SLC12A7: variants seen among roughly 807,000 people sequenced by gnomAD.
The protein encoded by SLC12A7 is K-Cl cotransporter 4.
Under a neutral mutation model 120.6 loss-of-function variants are expected in SLC12A7, and 100 were observed. The ratio of observed to expected loss-of-function variants is 0.83; its 90% confidence interval spans 0.71 to 0.98. SLC12A7 has a LOEUF of 0.98. Ranked by LOEUF, SLC12A7 falls within the 50% of genes least tolerant of loss-of-function variation. The probability of loss-of-function intolerance (pLI) is 0.00; values close to 1 mark genes in which losing one functional copy is unlikely to be tolerated. For synonymous variants in SLC12A7, 760 were observed against 678.0 expected (o/e 1.12, Z -1.88); for missense variants, 1,373 against 1,548.1 (o/e 0.89, Z 1.90).
At chr5:1,135,135 G>A in the SLC12A7 span, among the ~76,000 whole-genome samples, 3 of 152,104 alleles carry the variant, frequency 2.0e-5, no homozygotes, top group Admixed American at 6.6e-5. Context: ...TCAAACAAAA[G>A]ACATTCACCT....
rs148006130 is a variant in SLC12A7, at chr5:1,052,118, G to A, written c.*242C>T. On this transcript the variant is annotated 3_prime_UTR_variant, in exon 24 of 24. Coordinates refer to ENST00000264930, the MANE Select transcript of SLC12A7 (RefSeq NM_006598.3). The stretch of plus-strand genomic sequence containing the variant: ...ACGTCCAGGTCACTCCGGTAGCAGC[G>A]TCTGCCCTCAGATGCAAGGAAATCG... 12 of 569,028 alleles carry A rather than the reference G, an allele frequency of 2.1e-5. No homozygotes were observed. Among genetic ancestry groups the A allele is most frequent in the African/African-American group, 3.8e-5 (2 of 53,254 alleles). 35.2% of individuals were successfully genotyped at this position (569,028 alleles called of 1,614,324 possible).
the SLC12A7 span, among the ~76,000 whole-genome samples, chr5:1,118,053 G>A: frequency 2.0e-5 from 3 of 152,150 alleles, no homozygotes; most frequent in African/African-American, 7.2e-5. Context: ...TCCAGCCTGG[G>A]GGATAGAGTG....
chr5:1,146,468 C>G, the SLC12A7 span, among the ~76,000 whole-genome samples: 2 of 152,240 alleles, frequency 1.3e-5, no homozygotes, highest in Non-Finnish European at 1.5e-5. The surrounding 1 kb of genome is among the most constrained non-coding windows in gnomAD (Gnocchi z 6.5). Context: ...GCAGTGTAAA[C>G]AAAAAATAAA....
rs1736919582 is a variant in SLC12A7, at chr5:1,065,297, CAGG to C, written c.2420_2422del (p.Ser807del). 2 of 1,566,714 alleles carry C rather than the reference CAGG, an allele frequency of 1.3e-6. No homozygotes were observed. The highest frequency in any genetic ancestry group is 2.3e-5 in the South Asian group (2 of 85,568). ...GCCATGCCTACCCACAAAGTTCTTC[CAGG>C]AGAAGGGGTTGTCCTCCTGCTTCCA... On this transcript the variant is annotated inframe_deletion, in exon 18 of 24. Coordinates refer to ENST00000264930, the MANE Select transcript of SLC12A7 (RefSeq NM_006598.3).
chr5:1,081,700 T>C lies in SLC12A7; in HGVS notation c.1174A>G (p.Lys392Glu), dbSNP rs962223099. Residue 392 changes from lysine to glutamate, a missense_variant, in exon 9 of 24, where the codon AAG (lysine) becomes GAG (glutamate). Coordinates refer to ENST00000264930, the MANE Select transcript of SLC12A7 (RefSeq NM_006598.3). ...TYAHAGAFVE[K>E]KGVPSVPVAE... ...ACGGGCACCGAGGGCACACCTTTCT[T>C]CTCCACAAACGCCCCCGCGTGCGCG... is the stretch of plus-strand genomic sequence containing the variant. 3 of 1,612,974 alleles carry C rather than the reference T, an allele frequency of 1.9e-6. No individual in the cohort carries two copies. Among genetic ancestry groups the C allele is most frequent in the Admixed American group, 3.3e-5 (2 of 60,020 alleles).
At chr5:1,120,245 C>G in the SLC12A7 span, among the ~76,000 whole-genome samples, 1 of 152,264 alleles carries the variant, frequency 6.6e-6, no homozygotes, top group Non-Finnish European at 1.5e-5. Flanking sequence ...TCTCAGAAGA[C>G]GCTCTCAAGG....
chr5:1,066,681 C>T (rs2150808235), intron 17 of SLC12A7, among the ~76,000 whole-genome samples: 1 of 152,318 alleles, frequency 6.6e-6, no homozygotes, highest in East Asian at 1.9e-4. Context: ...CCTGAAGCCA[C>T]TGACAAGTGA....
rs566746936 is a variant in SLC12A7, at chr5:1,052,604, A to AC, written c.3161-154dup. Among the ~76,000 whole-genome samples, 344 of 142,608 alleles carry AC rather than the reference A, an allele frequency of 2.4e-3. 3 individuals carry two copies. Among genetic ancestry groups the AC allele is most frequent in the Admixed American group, 9.4e-3 (129 of 13,724 alleles). 93.6% of individuals were successfully genotyped at this position (142,608 alleles called of 152,430 possible). A position where few individuals can be genotyped will look rare whatever the true frequency, so the allele number is the denominator to read the frequency against. ...GAAAAGAGAGGTGGGGATTAGAGAG[A>AC]CCCCCCAGGCGGGGAGGAGCAGGGC... is the stretch of plus-strand genomic sequence containing the variant. On this transcript the variant is annotated intron_variant, in intron 23 of 23. Coordinates refer to ENST00000264930, the MANE Select transcript of SLC12A7 (RefSeq NM_006598.3).
chr5:1,091,325 C>T (rs1406919436), intron 3 of SLC12A7, among the ~76,000 whole-genome samples: 1 of 152,182 alleles, frequency 6.6e-6, no homozygotes, highest in Non-Finnish European at 1.5e-5. Context: ...GGTGTGCTCT[C>T]TATGGGCACC....
the SLC12A7 span, among the ~76,000 whole-genome samples, chr5:1,140,638 C>T: frequency 0.012 from 1,889 of 152,370 alleles, 15 homozygotes; most frequent in Non-Finnish European, 0.02. Context: ...GAACTCGCAC[C>T]GCTGGCTCCA....
chr5:1,145,591 G>C, the SLC12A7 span, among the ~76,000 whole-genome samples: 3 of 152,308 alleles, frequency 2.0e-5, no homozygotes. The surrounding 1 kb of genome is among the most constrained non-coding windows in gnomAD (Gnocchi z 4.4). Context: ...TTTGAAACAG[G>C]AAGGTCCCTG....
chr5:1,077,935 G>A lies in SLC12A7; in HGVS notation c.1527C>T (p.Ile509=), dbSNP rs767978276. The stretch of plus-strand genomic sequence containing the variant: ...CACCGCAGGTGGAGAAGAAGGAGCC[G>A]ATGACGATGACCCAGGGGGAGGGCC... ...LAWPSPWVIV[I]GSFFSTCGAG... The change falls in exon 12 of 24, where the codon ATC becomes ATT. Residue 509 remains isoleucine, a synonymous_variant. Transcript: ENST00000264930. 57 of 1,601,544 alleles carry A rather than the reference G, an allele frequency of 3.6e-5. No homozygotes were observed. The highest frequency in any genetic ancestry group is 1.2e-4 in the South Asian group (11 of 89,178).
chr5:1,137,071 G>A, the SLC12A7 span, among the ~76,000 whole-genome samples: 1 of 145,310 alleles, frequency 6.9e-6, no homozygotes, highest in Non-Finnish European at 1.5e-5. Context: ...GCAGACACAC[G>A]TGTGTCTACA....
chr5:1,119,760 C>T, the SLC12A7 span, among the ~76,000 whole-genome samples: 40 of 152,382 alleles, frequency 2.6e-4, 1 homozygote, highest in African/African-American at 8.4e-4. Flanking sequence ...GACCAGAACA[C>T]GCCCGATTCC....
chr5:1,085,987 G>A (rs1225630794), intron 6 of SLC12A7, among the ~76,000 whole-genome samples: 2 of 152,198 alleles, frequency 1.3e-5, no homozygotes, highest in African/African-American at 4.8e-5. Context: ...ACGGAGACGT[G>A]AGACAGTGCT....
At chr5:1,113,915 C>T (rs555951981), upstream of SLC12A7, among the ~76,000 whole-genome samples, 156 of 152,324 alleles carry the variant, frequency 1.0e-3, no homozygotes, top group African/African-American at 3.5e-3. Flanking sequence ...AGGGTGGGCA[C>T]GAGGCCTTCC....
At chr5:1,117,887 C>T in the SLC12A7 span, among the ~76,000 whole-genome samples, 3 of 152,118 alleles carry the variant, frequency 2.0e-5, no homozygotes, top group Non-Finnish European at 4.4e-5. This position sits in a 1 kb window ranked among gnomAD's most constrained non-coding sequence, Gnocchi z 4.5. Context: ...CTGGCTAACA[C>T]GGTGAAACCC....
intron 9 of SLC12A7, among the ~76,000 whole-genome samples, chr5:1,080,490 T>C (rs62331189): frequency 0.37 from 55,677 of 152,180 alleles, 11,247 homozygotes; most frequent in Non-Finnish European, 0.46. Context: ...GCCCTGCAGC[T>C]GACCCTGGGC....
At chr5:1,137,885 G>A in the SLC12A7 span, among the ~76,000 whole-genome samples, 4,262 of 152,288 alleles carry the variant, frequency 0.028, 168 homozygotes, top group African/African-American at 0.092. Flanking sequence ...CATGGATGTC[G>A]GCGCCAGCGC....
Sources: allele counts gnomAD v4.1 joint callset (sites outside exome capture counted in the v4.1 genomes callset), GRCh38; gene constraint gnomAD v4.1.1; non-coding constraint Gnocchi (gnomAD v3.1); transcripts MANE v1.5; gene names NCBI Gene and HGNC (gene_info 2026-07-23, HGNC 2026-07-21).